Variants in ADGRV1 observed in about 807,000 individuals in gnomAD.
ADGRV1 encodes the protein G-protein coupled receptor 98.
A neutral mutation model predicts 596.2 loss-of-function variants in ADGRV1; 359 were observed. That is an observed-to-expected ratio of 0.60 (90% CI 0.55 to 0.66). ADGRV1 has a LOEUF of 0.66. Ranked by LOEUF, ADGRV1 falls within the 30% of genes least tolerant of loss-of-function variation. The pLI is 0.00. For synonymous variants in ADGRV1, 2,681 were observed against 2,679.2 expected (o/e 1.00, Z -0.02); for missense variants, 7,274 against 7,575.6 (o/e 0.96, Z 1.48).
Position 90,619,121 on chromosome 5 carries a change from G to T in ADGRV1, c.393G>T (p.Arg131Ser). Residue 131 changes from arginine to serine, a missense_variant, in exon 4 of 90, where the codon AGG (arginine) becomes AGT (serine). Arg to Ser is a moderately radical substitution (Grantham distance 110). Around this residue, in one of 5 missense-constraint regions of ADGRV1, gnomAD observed 1,715 missense variants for 1,708.8 expected, o/e 1.00. Coordinates refer to ENST00000405460, the MANE Select transcript of ADGRV1 (RefSeq NM_032119.4). Reference sequence around the variant, plus strand: ...CAAATGTGAAGCTTGGATGGCCAAGGACTGTTACTGTGACAATATTATCAA... The same window carrying T: ...CAAATGTGAAGCTTGGATGGCCAAGTACTGTTACTGTGACAATATTATCAA... ...PSANVKLGWP[R>S]TVTVTILSND... The T allele has an allele frequency of 6.6e-7, 1 of 1,505,422 alleles. No homozygotes were observed. The highest frequency in any genetic ancestry group is 1.5e-5 in the South Asian group (1 of 67,754). The allele number at this position is 1,505,422 out of a possible 1,614,324, so 93.3% of individuals were successfully genotyped here.
intron 34 of ADGRV1, among the ~76,000 whole-genome samples, chr5:90,702,759 T>C (rs1748070639): frequency 6.6e-6 from 1 of 151,940 alleles, no homozygotes. Context: ...TGAATGTTTG[T>C]GGTTTTTAAC....
chr5:90,653,978 C>T (rs1402576709), intron 20 of ADGRV1, 26 bp downstream of exon 20: 2 of 1,550,674 alleles, frequency 1.3e-6, no homozygotes, highest in African/African-American at 2.7e-5. Context: ...ACAACTAGGA[C>T]ACTGAAATTT....
chr5:91,000,687 TGTGTG>T (rs1366349560), intron 85 of ADGRV1, among the ~76,000 whole-genome samples: 1 of 151,522 alleles, frequency 6.6e-6, no homozygotes, highest in East Asian at 1.9e-4. Flanking sequence ...TGTGTGTGTG[TGTGTG>T]TGTGTGTGTG....
chr5:90,858,211 T>C (rs773439113), intron 82 of ADGRV1, among the ~76,000 whole-genome samples: 4 of 152,188 alleles, frequency 2.6e-5, no homozygotes, highest in African/African-American at 4.8e-5. Context: ...GCTGTGGGCA[T>C]TAGAGTGCAG....
chr5:91,047,536 C>G (rs1312148013), intron 85 of ADGRV1, among the ~76,000 whole-genome samples: 1 of 152,150 alleles, frequency 6.6e-6, no homozygotes, highest in African/African-American at 2.4e-5. Flanking sequence ...CCATGTTCTT[C>G]TGCCTGCTTT....
intron 4 of ADGRV1, among the ~76,000 whole-genome samples, chr5:90,620,371 A>G (rs1486673260): frequency 1.3e-5 from 2 of 152,122 alleles, no homozygotes; most frequent in Non-Finnish European, 2.9e-5. Flanking sequence ...GCATTTCTTC[A>G]TGTGTTTTTT....
intron 34 of ADGRV1, among the ~76,000 whole-genome samples, chr5:90,699,396 A>G (rs530077088): frequency 1.3e-5 from 2 of 152,128 alleles, no homozygotes; most frequent in Non-Finnish European, 2.9e-5. Flanking sequence ...TGACGGGAGC[A>G]TTTTGGATTT....
chr5:90,577,758 G>A (rs912424872), intron 1 of ADGRV1, among the ~76,000 whole-genome samples: 1 of 152,164 alleles, frequency 6.6e-6, no homozygotes, highest in Non-Finnish European at 1.5e-5. Flanking sequence ...AGCATGGAAG[G>A]TTCTTCCATT....
At chr5:91,086,347 A>G (rs1376910993) in intron 86 of ADGRV1, among the ~76,000 whole-genome samples, 2 of 152,204 alleles carry the variant, frequency 1.3e-5, no homozygotes, top group African/African-American at 4.8e-5. Context: ...ATTGTCATCA[A>G]CTTTGCTCCT....
At chr5:90,857,293 A>G (rs930209893) in intron 82 of ADGRV1, among the ~76,000 whole-genome samples, 1 of 152,140 alleles carries the variant, frequency 6.6e-6, no homozygotes, top group East Asian at 1.9e-4. Context: ...ATGTTGAAAT[A>G]CAATCTAGAT....
rs4916801 is a variant in ADGRV1, at chr5:90,579,133, C to A, written c.22+20216C>A. The stretch of plus-strand genomic sequence containing the variant: ...AGTTCTGCTCTGATCTTAGTTATTT[C>A]TTGCCTTCTGCTAGCTTTTGAATGT... On this transcript the variant is annotated intron_variant, in intron 1 of 89. Coordinates refer to ENST00000405460, the MANE Select transcript of ADGRV1 (RefSeq NM_032119.4). Among the ~76,000 whole-genome samples the A allele has an allele frequency of 3.5e-3, 526 of 152,210 alleles. 1 individual carries two copies. The highest frequency in any genetic ancestry group is 0.031 in the Middle Eastern group (9 of 294).
At chr5:90,931,637 T>G (rs1775261422) in intron 83 of ADGRV1, among the ~76,000 whole-genome samples, 1 of 152,214 alleles carries the variant, frequency 6.6e-6, no homozygotes, top group Non-Finnish European at 1.5e-5. Flanking sequence ...GTGATTATGT[T>G]GAAGTATGGA....
chr5:91,048,235 T>C (rs1395418528), intron 85 of ADGRV1, among the ~76,000 whole-genome samples: 4 of 152,244 alleles, frequency 2.6e-5, no homozygotes, highest in Non-Finnish European at 4.4e-5. Context: ...TTGCACAATC[T>C]CTAGCAACTC....
At chr5:90,887,184 G>A (rs1196654788) in intron 83 of ADGRV1, among the ~76,000 whole-genome samples, 2 of 152,002 alleles carry the variant, frequency 1.3e-5, no homozygotes, top group South Asian at 2.1e-4. Flanking sequence ...CACACCACAC[G>A]GACCTTGCCT....
chr5:90,634,932 A>T (rs1765976334), intron 9 of ADGRV1, among the ~76,000 whole-genome samples, 182 bp from the exon 10 acceptor site: 1 of 152,138 alleles, frequency 6.6e-6, no homozygotes, highest in Admixed American at 6.5e-5. Flanking sequence ...GGGCAGAAAG[A>T]GCTCCAGAGG....
intron 71 of ADGRV1, among the ~76,000 whole-genome samples, chr5:90,803,512 C>A (rs1431778828): frequency 6.6e-6 from 1 of 152,132 alleles, no homozygotes; most frequent in Non-Finnish European, 1.5e-5. Context: ...CCTACTCCTT[C>A]AGGTGGGAGC....
chr5:90,644,279 C>G (rs1480381814), intron 14 of ADGRV1, among the ~76,000 whole-genome samples: 21 of 152,062 alleles, frequency 1.4e-4, no homozygotes, highest in Admixed American at 1.4e-3. Context: ...AAACTAAGAA[C>G]TACTGCTACG....
At chr5:91,104,152 A>G (rs1791640113) in intron 87 of ADGRV1, among the ~76,000 whole-genome samples, 1 of 152,018 alleles carries the variant, frequency 6.6e-6, no homozygotes. Context: ...GATAACTGGA[A>G]ATGTTTAGGA....
chr5:90,848,789 G>A lies in ADGRV1; in HGVS notation c.17172G>A (p.Leu5724=), dbSNP rs1248223136. 11 of 1,586,236 alleles carry A rather than the reference G, an allele frequency of 6.9e-6. No individual in the cohort carries two copies. Among genetic ancestry groups the A allele is most frequent in the Non-Finnish European group, 9.4e-6 (11 of 1,169,942 alleles). The change falls in exon 79 of 90, where the codon CTG becomes CTA. Residue 5724 remains leucine, a synonymous_variant. Coordinates refer to ENST00000405460, the MANE Select transcript of ADGRV1 (RefSeq NM_032119.4). ...EVTENFAFSL[L]TNVTCGSPGE... ...CTGAGAATTTTGCCTTTTCTCTGCT[G>A]ACTAATGTTACTTGCGGCTCTCCTG...
Sources: allele counts gnomAD v4.1 joint callset (sites outside exome capture counted in the v4.1 genomes callset), GRCh38; gene constraint gnomAD v4.1.1; regional missense constraint gnomAD v4.1.1; transcripts MANE v1.5; gene names NCBI Gene and HGNC (gene_info 2026-07-23, HGNC 2026-07-21).